The following ASIC2 variants were observed in gnomAD, a reference collection of about 807,000 sequenced individuals.
ASIC2 encodes the protein acid-sensing ion channel 2.
ASIC2 carries 25 observed loss-of-function variants against 57.3 expected under a neutral mutation model. The observed-to-expected ratio is 0.44, with a 90% confidence interval of 0.32 to 0.61. ASIC2 has a LOEUF of 0.61. Among genes scored for constraint, ASIC2 ranks in the 20% least tolerant of loss-of-function variants. The pLI, the probability that ASIC2 is intolerant of heterozygous loss-of-function variation, is 0.06. For missense variants in ASIC2, 641 were observed against 738.1 expected, an observed-to-expected ratio of 0.87 and a Z score of 1.52; for synonymous variants, 319 against 307.5, an observed-to-expected ratio of 1.04 and a Z score of -0.39.
chr17:33,516,104 CCAAAA>C (rs111917283), intron 1 of ASIC2, among the ~76,000 whole-genome samples: 37,984 of 144,358 alleles, frequency 0.26, 5,315 homozygotes, highest in Middle Eastern at 0.37. Context: ...GATTCTGTCT[CCAAAA>C]CAAAACAAAA....
Position 33,310,799 on chromosome 17 carries a change from T to C in ASIC2, c.556-198732A>G, listed in dbSNP as rs527251532. 5.3e-5 allele frequency among the ~76,000 whole-genome samples: 8 copies of C among 152,300 alleles called. No individual in the cohort carries two copies. In the South Asian group the frequency reaches 1.7e-3, roughly 32 times the overall value. On this transcript the variant is annotated intron_variant, in intron 1 of 9. Transcript: ENST00000359872. ...TTACTTGGGGGCCAGGAGGAAAACT[T>C]TTCTTATCCAAATATATAGATAGAT...
intron 1 of ASIC2, among the ~76,000 whole-genome samples, chr17:33,888,596 C>T (rs1363729011): frequency 6.6e-6 from 1 of 152,062 alleles, no homozygotes; most frequent in African/African-American, 2.4e-5. Context: ...GTGATGCTGG[C>T]AGGGACCGGG....
intron 1 of ASIC2, among the ~76,000 whole-genome samples, chr17:33,971,650 C>T (rs1188312723): frequency 1.3e-5 from 2 of 152,078 alleles, no homozygotes. Flanking sequence ...CACACAAACA[C>T]AGAATTAGAA....
intron 1 of ASIC2, among the ~76,000 whole-genome samples, chr17:33,714,196 A>T (rs1048649263): frequency 6.6e-6 from 1 of 152,172 alleles, no homozygotes; most frequent in Non-Finnish European, 1.5e-5. Context: ...CCCTCACTAA[A>T]CCATCAATTC....
chr17:33,564,013 C>T (rs750017381), intron 1 of ASIC2, among the ~76,000 whole-genome samples: 9 of 152,146 alleles, frequency 5.9e-5, no homozygotes, highest in Admixed American at 1.3e-4. Context: ...GGGCCATAGT[C>T]CTGACACTGG....
At chr17:34,050,744 A>T (rs1263113555) in intron 1 of ASIC2, among the ~76,000 whole-genome samples, 1 of 152,186 alleles carries the variant, frequency 6.6e-6, no homozygotes, top group African/African-American at 2.4e-5. Context: ...GTTCACAATC[A>T]CACAACCACT....
intron 1 of ASIC2, among the ~76,000 whole-genome samples, chr17:33,179,160 C>T (rs192026412): frequency 2.0e-5 from 3 of 152,236 alleles, no homozygotes; most frequent in East Asian, 1.9e-4. Context: ...TAGGCTCAAA[C>T]ACTATGTAGC....
intron 1 of ASIC2, among the ~76,000 whole-genome samples, chr17:33,761,148 C>A (rs1248043914): frequency 6.6e-6 from 1 of 152,186 alleles, no homozygotes; most frequent in Non-Finnish European, 1.5e-5. Flanking sequence ...CCTTTCCCAC[C>A]AATTCTCTAT....
chr17:33,910,918 G>A (rs1733872108), intron 1 of ASIC2, among the ~76,000 whole-genome samples: 2 of 152,190 alleles, frequency 1.3e-5, no homozygotes, highest in South Asian at 2.1e-4. Flanking sequence ...TATTTCAACC[G>A]TGTGCAGAAA....
intron 1 of ASIC2, among the ~76,000 whole-genome samples, chr17:33,116,389 G>A (rs1017492609): frequency 6.6e-6 from 1 of 152,106 alleles, no homozygotes; most frequent in Non-Finnish European, 1.5e-5. Context: ...ATGCCTTATC[G>A]CCCCCAGCCA....
chr17:33,231,736 G>A (rs1209304562), intron 1 of ASIC2, among the ~76,000 whole-genome samples: 1 of 152,078 alleles, frequency 6.6e-6, no homozygotes, highest in Admixed American at 6.5e-5. Flanking sequence ...CTGGGCAGAG[G>A]AGTAGCTTCC....
chr17:33,501,430 T>A (rs1413884551), intron 1 of ASIC2, among the ~76,000 whole-genome samples: 1 of 152,146 alleles, frequency 6.6e-6, no homozygotes, highest in Non-Finnish European at 1.5e-5. Flanking sequence ...AACCCCTACC[T>A]TGTCTTTATT....
At chr17:33,028,774 A>G (rs1257708254) in intron 3 of ASIC2, among the ~76,000 whole-genome samples, 1 of 152,124 alleles carries the variant, frequency 6.6e-6, no homozygotes, top group Non-Finnish European at 1.5e-5. Context: ...ACATTTTGCC[A>G]TCTTGCATCT....
At chr17:33,087,575 GTTTTTTTTT>G (rs5820015) in intron 3 of ASIC2, among the ~76,000 whole-genome samples, 1 of 111,044 alleles carries the variant, frequency 9.0e-6, no homozygotes, top group Non-Finnish European at 1.7e-5. Context: ...TACAACCAGT[GTTTTTTTTT>G]TTTTTTTTTT....
chr17:33,515,025 C>T (rs187507795), intron 1 of ASIC2, among the ~76,000 whole-genome samples: 5 of 152,320 alleles, frequency 3.3e-5, no homozygotes, highest in East Asian at 3.9e-4. Flanking sequence ...ACTGTGTCCA[C>T]GGATATGTGC....
chr17:33,791,852 G>A (rs1471052224), intron 1 of ASIC2: 1 of 151,888 alleles, frequency 6.6e-6, no homozygotes, highest in African/African-American at 2.4e-5. Flanking sequence ...CCCTCACCCA[G>A]GCTGGAATGC....
intron 1 of ASIC2, among the ~76,000 whole-genome samples, chr17:33,256,764 A>T (rs1909094529): frequency 6.6e-6 from 1 of 152,190 alleles, no homozygotes; most frequent in East Asian, 1.9e-4. Context: ...CCTGGGAGGC[A>T]GAGGTTGCAG....
intron 1 of ASIC2, among the ~76,000 whole-genome samples, chr17:33,509,758 A>G (rs1914374456): frequency 6.6e-6 from 1 of 152,228 alleles, no homozygotes; most frequent in African/African-American, 2.4e-5. Context: ...TCAGCAATTC[A>G]CTGAAAGCTG....
At chr17:33,650,707 GA>G (rs145636266) in intron 1 of ASIC2, among the ~76,000 whole-genome samples, 2 of 150,400 alleles carry the variant, frequency 1.3e-5, no homozygotes, top group Non-Finnish European at 3.0e-5. Context: ...ATGCTGAGTG[GA>G]AAAAAAAAGA....
Sources: allele counts gnomAD v4.1 joint callset (sites outside exome capture counted in the v4.1 genomes callset), GRCh38; gene constraint gnomAD v4.1.1; transcripts MANE v1.5; gene names NCBI Gene and HGNC (gene_info 2026-07-23, HGNC 2026-07-21).